C1QTNF3: variants seen among roughly 807,000 people sequenced by gnomAD.
C1QTNF3 encodes the protein C1q and TNF related 3.
A neutral mutation model predicts 32.6 loss-of-function variants in C1QTNF3; 26 were observed. The ratio of observed to expected loss-of-function variants is 0.80; its 90% confidence interval spans 0.58 to 1.11. The LOEUF (loss-of-function observed/expected upper bound fraction) is 1.11. Ranked by LOEUF, C1QTNF3 falls within the 50% of genes least tolerant of loss-of-function variation. The pLI is 0.00. For missense variants in C1QTNF3, 362 were observed against 398.2 expected, an observed-to-expected ratio of 0.91 and a Z score of 0.77; for synonymous variants, 155 against 146.0, an observed-to-expected ratio of 1.06 and a Z score of -0.44.
chr5:34,031,290 G>T (rs1370648485), intron 3 of C1QTNF3, among the ~76,000 whole-genome samples: 1 of 152,144 alleles, frequency 6.6e-6, no homozygotes, highest in East Asian at 1.9e-4. Flanking sequence ...CCAAATGATT[G>T]TATTGTGATT....
chr5:34,030,323 T>G (rs1754580368), intron 3 of C1QTNF3, among the ~76,000 whole-genome samples: 1 of 152,216 alleles, frequency 6.6e-6, no homozygotes, highest in Non-Finnish European at 1.5e-5. Context: ...AGAATTAACT[T>G]GAGAAACCTG....
chr5:34,048,640 T>C, the C1QTNF3 span, among the ~76,000 whole-genome samples: 3 of 148,522 alleles, frequency 2.0e-5, no homozygotes, highest in East Asian at 2.0e-4. Flanking sequence ...GAACCAACTA[T>C]AGCTACCAGG....
At chr5:34,073,759 A>T in the C1QTNF3 span, among the ~76,000 whole-genome samples, 3 of 152,116 alleles carry the variant, frequency 2.0e-5, no homozygotes, top group Admixed American at 2.0e-4. Flanking sequence ...AAAGCTCAGA[A>T]AGTAGTGCAT....
intron 1 of C1QTNF3, among the ~76,000 whole-genome samples, chr5:34,040,335 T>C (rs550762533): frequency 1.1e-4 from 16 of 152,126 alleles, no homozygotes; most frequent in Non-Finnish European, 1.9e-4. Flanking sequence ...AACTGAGCTC[T>C]ACTACTAGTA....
At chr5:34,212,965 T>C in the C1QTNF3 span, among the ~76,000 whole-genome samples, 57 of 152,240 alleles carry the variant, frequency 3.7e-4, no homozygotes, top group African/African-American at 1.3e-3. Flanking sequence ...CGTATGTTTA[T>C]TGCGGCACTA....
At chr5:34,127,344 C>T in the C1QTNF3 span, among the ~76,000 whole-genome samples, 1 of 151,900 alleles carries the variant, frequency 6.6e-6, no homozygotes, top group Admixed American at 6.6e-5. Flanking sequence ...ATCAAAATGT[C>T]GATAGTGATA....
the C1QTNF3 span, among the ~76,000 whole-genome samples, chr5:34,120,635 A>G: frequency 6.6e-6 from 1 of 152,164 alleles, no homozygotes; most frequent in Non-Finnish European, 1.5e-5. Flanking sequence ...TTCTCATGAT[A>G]GTGAATAAGT....
the C1QTNF3 span, among the ~76,000 whole-genome samples, chr5:34,198,061 C>T: frequency 5.3e-5 from 7 of 132,198 alleles, no homozygotes; most frequent in Non-Finnish European, 1.1e-4. Flanking sequence ...TGGTGAAACC[C>T]CGTCTCTACT....
chr5:34,088,558 A>G, the C1QTNF3 span, among the ~76,000 whole-genome samples: 2 of 152,174 alleles, frequency 1.3e-5, no homozygotes, highest in Non-Finnish European at 2.9e-5. Flanking sequence ...ATATAATTGG[A>G]CCAATGTGAA....
chr5:34,172,739 C>G, the C1QTNF3 span, among the ~76,000 whole-genome samples: 1 of 152,222 alleles, frequency 6.6e-6, no homozygotes, highest in South Asian at 2.1e-4. Context: ...TTGCAAACTC[C>G]TATTTTGCAT....
the C1QTNF3 span, among the ~76,000 whole-genome samples, chr5:34,159,902 C>T: frequency 2.0e-5 from 3 of 147,762 alleles, no homozygotes; most frequent in African/African-American, 7.4e-5. Context: ...CCAAGTAACA[C>T]ATTTAAGAAT....
the C1QTNF3 span, chr5:34,158,552 C>T: frequency 6.6e-6 from 1 of 152,034 alleles, no homozygotes; most frequent in Admixed American, 6.5e-5. Flanking sequence ...ATTTTACTTA[C>T]CAGGTGGTCA....
At chr5:34,136,052 A>C in the C1QTNF3 span, among the ~76,000 whole-genome samples, 1 of 152,266 alleles carries the variant, frequency 6.6e-6, no homozygotes, top group African/African-American at 2.4e-5. Context: ...AAACCTAGGC[A>C]ATACCATTCA....
chr5:34,137,213 A>C, the C1QTNF3 span, among the ~76,000 whole-genome samples: 1 of 152,176 alleles, frequency 6.6e-6, no homozygotes, highest in African/African-American at 2.4e-5. Flanking sequence ...CAAAGGTCCA[A>C]GACAAATATC....
At chr5:34,147,653 G>A in the C1QTNF3 span, among the ~76,000 whole-genome samples, 12 of 152,078 alleles carry the variant, frequency 7.9e-5, no homozygotes, top group African/African-American at 2.9e-4. Flanking sequence ...AAGAGACACT[G>A]TGGACTACTA....
chr5:34,142,117 T>C, the C1QTNF3 span, among the ~76,000 whole-genome samples: 3 of 152,290 alleles, frequency 2.0e-5, no homozygotes, highest in Non-Finnish European at 2.9e-5. Context: ...AGGAGCCCCA[T>C]GGTCCAGAAC....
At chr5:34,044,285 C>A (rs1754944152), upstream of C1QTNF3, among the ~76,000 whole-genome samples, 1 of 152,198 alleles carries the variant, frequency 6.6e-6, no homozygotes, top group Non-Finnish European at 1.5e-5. Context: ...AAAATTGCTT[C>A]TATTTACATA....
chr5:34,129,873 A>T, the C1QTNF3 span, among the ~76,000 whole-genome samples: 3 of 151,856 alleles, frequency 2.0e-5, no homozygotes, highest in African/African-American at 4.8e-5. Flanking sequence ...TCAGCATCTA[A>T]TTTTCTCATA....
the C1QTNF3 span, among the ~76,000 whole-genome samples, chr5:34,104,926 A>G: frequency 1.3e-5 from 2 of 152,024 alleles, no homozygotes; most frequent in South Asian, 2.1e-4. Flanking sequence ...GGCTTCTGTG[A>G]GAAGATTTTT....
Sources: allele counts gnomAD v4.1 joint callset (sites outside exome capture counted in the v4.1 genomes callset), GRCh38; gene constraint gnomAD v4.1.1; transcripts MANE v1.5; gene names NCBI Gene and HGNC (gene_info 2026-07-23, HGNC 2026-07-21).